CNBD2: variants seen among roughly 807,000 people sequenced by gnomAD.
CNBD2 encodes cyclic nucleotide-binding domain-containing protein 2.
In CNBD2, 64 loss-of-function variants were observed where a neutral mutation model predicts 63.7. That is an observed-to-expected ratio of 1.00 (90% CI 0.82 to 1.24). The LOEUF is 1.24. Among genes scored for constraint, CNBD2 ranks in the 50% most tolerant of loss-of-function variants. CNBD2 has a pLI of 0.00. For synonymous variants in CNBD2, 229 were observed against 255.4 expected (o/e 0.90, Z 0.99); for missense variants, 691 against 713.5 (o/e 0.97, Z 0.36).
At chr20:35,991,879 T>A (rs1457671252) in intron 7 of CNBD2, among the ~76,000 whole-genome samples, 1 of 151,882 alleles carries the variant, frequency 6.6e-6, no homozygotes, top group Non-Finnish European at 1.5e-5. Context: ...CATTTCTTCT[T>A]CTTTTATTTT....
At chr20:35,957,308 C>G (rs756625636), downstream of CNBD2, among the ~76,000 whole-genome samples, 4 of 152,104 alleles carry the variant, frequency 2.6e-5, no homozygotes, top group Admixed American at 6.5e-5. Context: ...AGTAGTTGGC[C>G]GGGCGCGGTG....
At chr20:35,964,328 G>A (rs1392805371), upstream of CNBD2, among the ~76,000 whole-genome samples, 2 of 150,786 alleles carry the variant, frequency 1.3e-5, no homozygotes, top group East Asian at 2.0e-4. Flanking sequence ...TTACAGGCCC[G>A]CGCCACCATG....
In CNBD2 at chr20:35,995,056, C is replaced by T. The variant is rs770852838; in HGVS notation, c.874C>T (p.Arg292Trp). The T allele has an allele frequency of 5.6e-6, 9 of 1,613,854 alleles. No homozygotes were observed. In the East Asian group the frequency reaches 6.7e-5, roughly 12 times the overall value. Residue 292 changes from arginine to tryptophan, a missense_variant, in exon 8 of 12, where the codon CGG becomes TGG. Physicochemically the swap from Arg to Trp is moderately radical, Grantham distance 101. Coordinates refer to ENST00000373973, the MANE Select transcript of CNBD2 (RefSeq NM_001365709.1). ...FISKGSCEVL[R>W]LLDLGASPSY... ...TGTTCAGGGCAGCTGTGAAGTCCTGCGGCTGTTGGACCTTGGGGCCTCCCC... is the reference window on the plus strand; with the variant it reads ...TGTTCAGGGCAGCTGTGAAGTCCTGTGGCTGTTGGACCTTGGGGCCTCCCC...
At chr20:36,012,938 A>G (rs1299323515) in intron 10 of CNBD2, among the ~76,000 whole-genome samples, 3 of 152,180 alleles carry the variant, frequency 2.0e-5, no homozygotes, top group Admixed American at 6.6e-5. Context: ...AGAGATAGTA[A>G]AATTATCAGT....
exon 1 of CNBD2, chr20:35,954,973 G>C: frequency 5.0e-6 from 1 of 202,020 alleles, no homozygotes; most frequent in East Asian, 1.7e-4. Flanking sequence ...GAGGGCGATA[G>C]CACCGGCCTT....
Position 35,972,761 on chromosome 20 carries a change from T to G in CNBD2, c.184T>G (p.Trp62Gly), listed in dbSNP as rs2056440037. 1 of 1,614,154 alleles carries G rather than the reference T, an allele frequency of 6.2e-7. No individual in the cohort carries two copies. The highest frequency in any genetic ancestry group is 2.2e-5 in the East Asian group (1 of 44,890). Residue 62 changes from tryptophan (W) to glycine (G), a missense_variant, in exon 2 of 12, where the codon TGG becomes GGG. Transcript: ENST00000373973. ...CTGGAAGCACCCTATCTTCTCCTTC[T>G]GGGATGTAAGCAGTTGGGCTCAGCA... ...AHWKHPIFSF[W>G]DKKMQSRVTF...
At chr20:35,969,184 C>A (rs1005831292) in intron 1 of CNBD2, among the ~76,000 whole-genome samples, 1 of 152,168 alleles carries the variant, frequency 6.6e-6, no homozygotes, top group Non-Finnish European at 1.5e-5. Context: ...AGTCATGTGA[C>A]CCCAGGCAAG....
At chr20:36,022,113 A>T (rs1022805778) in intron 10 of CNBD2, among the ~76,000 whole-genome samples, 1 of 149,130 alleles carries the variant, frequency 6.7e-6, no homozygotes, top group South Asian at 2.1e-4. Flanking sequence ...GATTGAAATG[A>T]TTCCCCTGCC....
chr20:35,985,813 T>C (rs2056660444), intron 6 of CNBD2, among the ~76,000 whole-genome samples: 1 of 152,182 alleles, frequency 6.6e-6, no homozygotes, highest in African/African-American at 2.4e-5. Context: ...GATTGCATGG[T>C]AATTTCTTTA....
At chr20:35,955,079 A>G (rs780214965) in exon 1 of CNBD2, 2 of 171,162 alleles carry the variant, frequency 1.2e-5, no homozygotes, top group Non-Finnish European at 2.8e-5. Flanking sequence ...CTCCGAAACC[A>G]AGGGAAATGC....
intron 2 of CNBD2, among the ~76,000 whole-genome samples, chr20:35,961,057 G>A (rs2056305601): frequency 1.3e-5 from 2 of 152,058 alleles, no homozygotes; most frequent in African/African-American, 4.8e-5. Flanking sequence ...AGCCTCTCGA[G>A]TAGCTGGGAT....
At chr20:36,007,312 G>T (rs1245008786) in intron 8 of CNBD2, among the ~76,000 whole-genome samples, 1 of 151,914 alleles carries the variant, frequency 6.6e-6, no homozygotes, top group Admixed American at 6.6e-5. Flanking sequence ...TTTCCTTCGA[G>T]TTTTTTTAAA....
chr20:36,023,693 A>C lies in CNBD2; in HGVS notation c.1361A>C (p.Lys454Thr). 2 of 1,614,012 alleles carry C rather than the reference A, an allele frequency of 1.2e-6. No homozygotes were observed. Among genetic ancestry groups the C allele is most frequent in the Non-Finnish European group, 1.7e-6 (2 of 1,179,946 alleles). ...GGAAATGAGTTGATACGGATAAGGAAGGAAATATTTTATGAACTGATTGAC... is the reference window on the plus strand; with the variant it reads ...GGAAATGAGTTGATACGGATAAGGACGGAAATATTTTATGAACTGATTGAC... ...SLGNELIRIR[K>T]EIFYELIDND... is the part of the protein sequence containing the mutation. The change falls in exon 11 of 12, where the codon AAG becomes ACG. Residue 454 changes from lysine (K) to threonine (T), a missense_variant. By Grantham distance (78) the Lys-to-Thr change is moderately conservative. Transcript: ENST00000373973.
intron 4 of CNBD2, among the ~76,000 whole-genome samples, chr20:35,983,733 G>A (rs531682964): frequency 5.9e-5 from 9 of 152,178 alleles, no homozygotes; most frequent in African/African-American, 1.7e-4. Flanking sequence ...CCAAGCACAC[G>A]CAGCAGTGAC....
upstream of CNBD2, among the ~76,000 whole-genome samples, chr20:35,965,437 CAA>C (rs1259788426): frequency 1.3e-5 from 2 of 152,178 alleles, no homozygotes; most frequent in East Asian, 3.8e-4. Flanking sequence ...ATCAGCCTCC[CAA>C]AGTGTTGGGA....
chr20:36,000,291 C>CTG (rs58327096), intron 8 of CNBD2, among the ~76,000 whole-genome samples: 43,198 of 151,900 alleles, frequency 0.28, 7,268 homozygotes, highest in African/African-American at 0.46. Flanking sequence ...GCATTAAAGT[C>CTG]TTTTTTGACT....
At chr20:35,965,105 T>G (rs2056335290), upstream of CNBD2, among the ~76,000 whole-genome samples, 1 of 152,168 alleles carries the variant, frequency 6.6e-6, no homozygotes, top group Non-Finnish European at 1.5e-5. Flanking sequence ...CTTATTCACC[T>G]TCATATGCTT....
downstream of CNBD2, among the ~76,000 whole-genome samples, chr20:35,960,168 T>A (rs2056294985): frequency 6.6e-6 from 1 of 152,208 alleles, no homozygotes; most frequent in Non-Finnish European, 1.5e-5. Context: ...TATTGCCACC[T>A]TTCTTTCTAT....
intron 2 of CNBD2, among the ~76,000 whole-genome samples, chr20:35,960,690 CCTCTTCTCTTCCCTT>C (rs2056299357): frequency 6.6e-6 from 1 of 150,572 alleles, no homozygotes; most frequent in Non-Finnish European, 1.5e-5. Context: ...CTGCCATACT[CCTCTTCTCTTCCCTT>C]CTCTTCCCTT....
Sources: gnomAD v4.1 joint callset for allele counts (sites outside exome capture counted in the v4.1 genomes callset) on GRCh38, gnomAD v4.1.1 for gene constraint, MANE v1.5 for transcripts, NCBI Gene and HGNC (gene_info 2026-07-23, HGNC 2026-07-21) for gene names.